PLCB4: variants seen among roughly 807,000 people sequenced by gnomAD.
PLCB4 encodes phospholipase C beta 4.
In PLCB4, 77 loss-of-function variants were observed where a neutral mutation model predicts 178.8. The ratio of observed to expected loss-of-function variants is 0.43; its 90% CI spans 0.36 to 0.52. The LOEUF (loss-of-function observed/expected upper bound fraction) is 0.52. PLCB4 is among the 20% of genes least tolerant of loss of function. The pLI, the probability that PLCB4 is intolerant of heterozygous loss-of-function variation, is 0.00. For synonymous variants in PLCB4, 496 were observed against 490.8 expected (o/e 1.01, Z -0.14); for missense variants, 1,024 against 1,453.4 (o/e 0.70, Z 4.80).
chr20:9,390,485 G>A (rs1444026704), intron 16 of PLCB4, 46 bp from the exon 17 acceptor site: 7 of 871,850 alleles, frequency 8.0e-6, no homozygotes, highest in Admixed American at 3.7e-5. Flanking sequence ...ATTCTTGGAC[G>A]GTTAATGGGT....
intron 3 of PLCB4, among the ~76,000 whole-genome samples, chr20:9,218,113 T>C (rs1044724713): frequency 1.3e-5 from 2 of 152,160 alleles, no homozygotes; most frequent in Admixed American, 6.5e-5. Flanking sequence ...GCTGTTTGTT[T>C]ATTTATTTAT....
At chr20:9,159,433 T>A (rs2092846050) in intron 2 of PLCB4, among the ~76,000 whole-genome samples, 1 of 152,176 alleles carries the variant, frequency 6.6e-6, no homozygotes, top group African/African-American at 2.4e-5. Context: ...AAAGGTGTCT[T>A]TTCATCTTTG....
At chr20:9,351,028 A>G (rs76186610) in intron 7 of PLCB4, among the ~76,000 whole-genome samples, 1 of 152,216 alleles carries the variant, frequency 6.6e-6, no homozygotes, top group African/African-American at 2.4e-5. Flanking sequence ...TAGTGGCCTG[A>G]AAAAAGGATT....
At chr20:9,404,557 A>G (rs1056748544) in intron 20 of PLCB4, among the ~76,000 whole-genome samples, 4 of 146,304 alleles carry the variant, frequency 2.7e-5, no homozygotes, top group African/African-American at 1.0e-4. Context: ...GTGAGCCAAG[A>G]TTGTGCCACT....
intron 2 of PLCB4, among the ~76,000 whole-genome samples, chr20:9,118,494 A>G (rs963115719): frequency 6.6e-6 from 1 of 152,116 alleles, no homozygotes; most frequent in African/African-American, 2.4e-5. Context: ...TTTCATGCAT[A>G]ATCAATATAA....
intron 3 of PLCB4, among the ~76,000 whole-genome samples, chr20:9,277,681 A>T (rs934739511): frequency 2.6e-5 from 4 of 151,864 alleles, no homozygotes; most frequent in Admixed American, 2.6e-4. Flanking sequence ...TCATGATGAT[A>T]ATTTGCTTTA....
chr20:9,158,224 T>C (rs1193969645), intron 2 of PLCB4, among the ~76,000 whole-genome samples: 1 of 152,104 alleles, frequency 6.6e-6, no homozygotes, highest in African/African-American at 2.4e-5. Context: ...ATCTGCATGC[T>C]TTTTGCCATA....
At chr20:9,370,546 T>C (rs1249399981) in intron 9 of PLCB4, among the ~76,000 whole-genome samples, 2 of 152,202 alleles carry the variant, frequency 1.3e-5, no homozygotes, top group East Asian at 1.9e-4. Context: ...CTGTCTTATC[T>C]GCCACATTCC....
intron 24 of PLCB4, among the ~76,000 whole-genome samples, chr20:9,409,716 G>C (rs2039719176): frequency 6.6e-6 from 1 of 152,134 alleles, no homozygotes; most frequent in African/African-American, 2.4e-5. Flanking sequence ...TCTATAACTT[G>C]GTCCTCCAAA....
At position 9,387,483 on chromosome 20, in the gene PLCB4, G is replaced by A; in HGVS notation, c.1085G>A (p.Trp362Ter). 1 of 1,591,978 alleles carries A rather than the reference G, an allele frequency of 6.3e-7. No homozygotes were observed. The highest frequency in any genetic ancestry group is 8.6e-7 in the Non-Finnish European group (1 of 1,162,558). The change falls in exon 15 of 40, where the codon TGG becomes TAG. Residue 362 changes from tryptophan to a stop codon, truncating the protein, a stop_gained. Coordinates refer to ENST00000378473, the MANE Select transcript of PLCB4 (RefSeq NM_001377142.1). LOFTEE classifies it high-confidence loss of function. The part of the protein sequence containing the change: ...AGCRCVELDC[W>*]DGKGEDQEPI... ...CCTAGATGTGTTGAACTTGACTGCT[G>A]GGATGGAAAAGGTGAAGACCAAGAA...
intron 3 of PLCB4, among the ~76,000 whole-genome samples, chr20:9,287,034 T>A (rs2094541891): frequency 1.3e-5 from 2 of 152,094 alleles, no homozygotes; most frequent in Admixed American, 1.3e-4. Flanking sequence ...TTTGTTTGTT[T>A]GTTTTTTCCT....
intron 4 of PLCB4, among the ~76,000 whole-genome samples, chr20:9,308,276 A>G (rs1306332703): frequency 6.6e-6 from 1 of 152,238 alleles, no homozygotes; most frequent in Non-Finnish European, 1.5e-5. Context: ...TTATAAATGT[A>G]ATAGTGATTG....
At chr20:9,200,395 A>G (rs1442548213) in intron 2 of PLCB4, among the ~76,000 whole-genome samples, 1 of 152,278 alleles carries the variant, frequency 6.6e-6, no homozygotes, top group Middle Eastern at 3.4e-3. Context: ...CGCCACTGTC[A>G]TCACTCATTC....
At chr20:9,462,411 G>T (rs1392756037) in intron 35 of PLCB4, among the ~76,000 whole-genome samples, 2 of 152,176 alleles carry the variant, frequency 1.3e-5, no homozygotes, top group Non-Finnish European at 2.9e-5. Flanking sequence ...GGATGGAGAA[G>T]GACTTTGACA....
chr20:9,255,944 A>G lies in PLCB4; in HGVS notation c.-16+38492A>G, dbSNP rs912069868. On this transcript the variant is annotated intron_variant, in intron 3 of 39. Coordinates refer to ENST00000378473, the MANE Select transcript of PLCB4 (RefSeq NM_001377142.1). ...ACTATTGCATAACATATATATATAT[A>G]TACACACACCATATTACCTTTCTGA... Among the ~76,000 whole-genome samples, 3 of 152,168 alleles carry G rather than the reference A, an allele frequency of 2.0e-5. No individual in the cohort carries two copies. The East Asian group carries it at 5.8e-4, about 29-fold the overall frequency.
At chr20:9,165,707 A>C (rs1316462921) in intron 2 of PLCB4, among the ~76,000 whole-genome samples, 1 of 152,050 alleles carries the variant, frequency 6.6e-6, no homozygotes, top group Non-Finnish European at 1.5e-5. Context: ...GTTTTGCAGA[A>C]CATTTTACAT....
chr20:9,251,969 A>G (rs941037235), intron 3 of PLCB4, among the ~76,000 whole-genome samples: 6 of 152,152 alleles, frequency 3.9e-5, no homozygotes, highest in Non-Finnish European at 5.9e-5. Flanking sequence ...TGTTTCTTCA[A>G]AGTCTTTGAA....
At chr20:9,366,465 C>T (rs1478326679) in intron 9 of PLCB4, among the ~76,000 whole-genome samples, 2 of 151,864 alleles carry the variant, frequency 1.3e-5, no homozygotes, top group Admixed American at 6.6e-5. Flanking sequence ...AGGATACATC[C>T]TCCACATGTG....
At chr20:9,164,177 G>A (rs528554462) in intron 2 of PLCB4, among the ~76,000 whole-genome samples, 40 of 152,228 alleles carry the variant, frequency 2.6e-4, no homozygotes, top group East Asian at 1.2e-3. Context: ...CAGCTGCATC[G>A]TTTTCATATT....
Sources: gnomAD v4.1 joint callset for allele counts (sites outside exome capture counted in the v4.1 genomes callset) on GRCh38, gnomAD v4.1.1 for gene constraint, MANE v1.5 for transcripts, NCBI Gene and HGNC (gene_info 2026-07-23, HGNC 2026-07-21) for gene names.